Variants in GK observed in about 807,000 individuals in gnomAD.
GK encodes ATP:glycerol 3-phosphotransferase.
Under a neutral mutation model 56.4 loss-of-function variants are expected in GK, and 9 were observed. The ratio of observed to expected loss-of-function variants is 0.16; its 90% CI spans 0.10 to 0.28. The LOEUF (loss-of-function observed/expected upper bound fraction) is 0.28, where lower values mean the gene tolerates loss of function less well. GK is among the 10% of genes least tolerant of loss of function. GK has a pLI of 1.00. For missense variants in GK, 161 were observed against 431.4 expected, an observed-to-expected ratio of 0.37 and a Z score of 5.55; for synonymous variants, 104 against 144.1, an observed-to-expected ratio of 0.72 and a Z score of 1.99.
chrX:30,694,729 T>G (rs1935157797), intron 6 of GK, among the ~76,000 whole-genome samples, 192 bp downstream of exon 6: 1 of 111,803 alleles, frequency 8.9e-6, no homozygotes, highest in Non-Finnish European at 1.9e-5. Flanking sequence ...TCTTTATTTT[T>G]TCTTGTCTTA....
chrX:30,660,019 G>A (rs1470473782), intron 1 of GK, among the ~76,000 whole-genome samples: 2 of 111,767 alleles, frequency 1.8e-5, no homozygotes, highest in Admixed American at 1.9e-4. Context: ...AAAGTGCTGG[G>A]ATTACAGGCG....
intron 11 of GK, among the ~76,000 whole-genome samples, chrX:30,704,027 A>G (rs1333686347): frequency 9.4e-6 from 1 of 105,965 alleles, no homozygotes; most frequent in Admixed American, 1.0e-4. Flanking sequence ...GAAGTAGATG[A>G]AATTACCAAG....
chrX:30,689,562 G>T (rs1260786030), intron 4 of GK: 2 of 329,385 alleles, frequency 6.1e-6, no homozygotes, highest in Non-Finnish European at 5.9e-6. Flanking sequence ...TTCTGGGATG[G>T]CTCCTGATGT....
intron 4 of GK, among the ~76,000 whole-genome samples, chrX:30,685,871 G>C (rs775969512): frequency 8.9e-6 from 1 of 111,896 alleles, no homozygotes; most frequent in Non-Finnish European, 1.9e-5. Flanking sequence ...ATAGACTTGA[G>C]GTGTAGATCA....
chrX:30,684,666 C>CAAAAAAAAAAA lies in GK; in HGVS notation c.338-6439_338-6429dup, dbSNP rs60771873. On this transcript the variant is annotated intron_variant, in intron 4 of 20. Transcript: ENST00000427190. ...GGGCAACAAGAGCAAAACTCCATCT[C>CAAAAAAAAAAA]AAAAAAAAAAAAAAAAAAAAAAAAA... Among the ~76,000 whole-genome samples, 31 of 32,399 alleles carry CAAAAAAAAAAA rather than the reference C, an allele frequency of 9.6e-4. 1 individual carries two copies. Among genetic ancestry groups the CAAAAAAAAAAA allele is most frequent in the Middle Eastern group, 0.026 (1 of 38 alleles). The allele number at this position is 32,399 out of a possible 115,157, so 28.1% of individuals were successfully genotyped here.
chrX:30,712,167 G>A (rs1936355151), intron 13 of GK, among the ~76,000 whole-genome samples: 1 of 111,261 alleles, frequency 9.0e-6, no homozygotes, highest in African/African-American at 3.3e-5. Flanking sequence ...GCTTCTTATT[G>A]CTATATGAAA....
intron 4 of GK, among the ~76,000 whole-genome samples, chrX:30,685,877 G>T (rs1006097717): frequency 4.5e-5 from 5 of 111,893 alleles, no homozygotes; most frequent in Non-Finnish European, 9.4e-5. Context: ...TTGAGGTGTA[G>T]ATCAGTGAGT....
At chrX:30,707,721 A>G (rs1936092287) in intron 12 of GK, 123 bp downstream of exon 12, 2 of 469,754 alleles carry the variant, frequency 4.3e-6, no homozygotes, top group Admixed American at 7.8e-5. Context: ...TCAGGGTTTA[A>G]TTTAGAGCTC....
intron 1 of GK, 142 bp downstream of exon 1, chrX:30,653,757 C>T: frequency 3.5e-6 from 2 of 566,790 alleles, no homozygotes; most frequent in Non-Finnish European, 6.0e-6. Flanking sequence ...GGAACGGGAC[C>T]TGCCACACTG....
rs2147282657 is a variant in GK, at chrX:30,731,442, A to T, written c.*2700A>T. 1 of 112,324 alleles carries T rather than the reference A, an allele frequency of 8.9e-6. No individual in the cohort carries two copies. Among genetic ancestry groups the T allele is most frequent in the Non-Finnish European group, 1.9e-5 (1 of 53,254 alleles). The allele number at this position is 112,324 out of a possible 1,213,427, so 9.3% of individuals were successfully genotyped here. On this transcript the variant is annotated 3_prime_UTR_variant, in exon 21 of 21. Transcript: ENST00000427190. ...AACAACTTTAATAATAAGTTCACAC[A>T]ATAAACAAATTAGTAGAAAACTGAG... is the stretch of plus-strand genomic sequence containing the variant.
intron 13 of GK, among the ~76,000 whole-genome samples, chrX:30,712,420 A>G (rs1435089543): frequency 1.8e-5 from 2 of 111,217 alleles, no homozygotes; most frequent in Non-Finnish European, 3.8e-5. Flanking sequence ...AATATGGGGG[A>G]ATGCTAGTTT....
Position 30,728,717 on chromosome X carries a change from T to C in GK, c.1670-15T>C. 1 of 1,128,687 alleles carries C rather than the reference T, an allele frequency of 8.9e-7. No homozygotes were observed. Among genetic ancestry groups the C allele is most frequent in the Non-Finnish European group, 1.2e-6 (1 of 820,263 alleles). 93.0% of individuals were successfully genotyped at this position (1,128,687 alleles called of 1,213,427 possible). A position where few individuals can be genotyped will look rare whatever the true frequency, so the allele number is the denominator to read the frequency against. On this transcript the variant is annotated splice_polypyrimidine_tract_variant and intron_variant, in intron 20 of 20. Transcript: ENST00000427190. ...ATGTATTATTGACATATATGGTTTTTGTTCCCCATTTCAGGTATTCCATAA... is the reference window on the plus strand; with the variant it reads ...ATGTATTATTGACATATATGGTTTTCGTTCCCCATTTCAGGTATTCCATAA...
At chrX:30,661,001 A>C (rs1409223861) in intron 1 of GK, among the ~76,000 whole-genome samples, 1 of 108,475 alleles carries the variant, frequency 9.2e-6, no homozygotes, top group Non-Finnish European at 1.9e-5. Context: ...TTTAGTAGGG[A>C]CGGGGTTTCA....
chrX:30,673,337 TGAG>T (rs997459058), intron 3 of GK, among the ~76,000 whole-genome samples: 1 of 112,045 alleles, frequency 8.9e-6, no homozygotes, highest in Admixed American at 9.5e-5. Flanking sequence ...ACAGTGCACA[TGAG>T]GAGGAGTGGA....
chrX:30,710,861 T>A (rs151022517), intron 13 of GK, among the ~76,000 whole-genome samples: 1 of 111,323 alleles, frequency 9.0e-6, no homozygotes. Context: ...TCTAAGAGTG[T>A]ATGTCATTTT....
At chrX:30,665,833 G>C (rs12011728) in intron 2 of GK, among the ~76,000 whole-genome samples, 1,814 of 112,114 alleles carry the variant, frequency 0.016, 28 homozygotes, top group African/African-American at 0.052. Flanking sequence ...TTAAATATCA[G>C]AAATTTCACA....
Position 30,730,973 on chromosome X carries a change from G to A in GK, c.*2231G>A, listed in dbSNP as rs1937321495. 1 of 111,753 alleles carries A rather than the reference G, an allele frequency of 8.9e-6. No homozygotes were observed. Among genetic ancestry groups the A allele is most frequent in the Non-Finnish European group, 1.9e-5 (1 of 53,212 alleles). 9.2% of individuals were successfully genotyped at this position (111,753 alleles called of 1,213,427 possible). A position where few individuals can be genotyped will look rare whatever the true frequency, so the allele number is the denominator to read the frequency against. ...CATTTGCAAAAAATAATGTTGGTAA[G>A]GTCAGCAGCCATTATCAACAGGGCC... On this transcript the variant is annotated 3_prime_UTR_variant, in exon 21 of 21. Coordinates refer to ENST00000427190, the MANE Select transcript of GK (RefSeq NM_001205019.2).
chrX:30,659,861 A>G (rs1932611978), intron 1 of GK, among the ~76,000 whole-genome samples: 1 of 111,366 alleles, frequency 9.0e-6, no homozygotes, highest in Admixed American at 9.5e-5. Flanking sequence ...TGATTCTCCC[A>G]CCTCAGCCTC....
At chrX:30,702,108 T>A (rs1271738675) in intron 11 of GK, among the ~76,000 whole-genome samples, 2 of 110,467 alleles carry the variant, frequency 1.8e-5, no homozygotes, top group African/African-American at 6.6e-5. Context: ...AATGGCGCGA[T>A]CTCGGCTCAC....
Sources: allele counts gnomAD v4.1 joint callset (sites outside exome capture counted in the v4.1 genomes callset), GRCh38; gene constraint gnomAD v4.1.1; transcripts MANE v1.5; gene names NCBI Gene and HGNC (gene_info 2026-07-23, HGNC 2026-07-21).